CREM: variants seen among roughly 807,000 people sequenced by gnomAD.
CREM encodes the protein cAMP-responsive element modulator.
Under a neutral mutation model 37.3 loss-of-function variants are expected in CREM, and 13 were observed. The ratio of observed to expected loss-of-function variants is 0.35; its 90% CI spans 0.23 to 0.55. The LOEUF (loss-of-function observed/expected upper bound fraction) is 0.55. Among genes scored for constraint, CREM ranks in the 20% least tolerant of loss-of-function variants. The pLI is 0.88. For missense variants in CREM, 296 were observed against 362.3 expected, an observed-to-expected ratio of 0.82 and a Z score of 1.49; for synonymous variants, 124 against 120.2, an observed-to-expected ratio of 1.03 and a Z score of -0.21.
chr10:35,165,404 T>A (rs1166262105), intron 3 of CREM, among the ~76,000 whole-genome samples: 1 of 152,176 alleles, frequency 6.6e-6, no homozygotes, highest in Non-Finnish European at 1.5e-5. Flanking sequence ...GAGGATTATA[T>A]TTCAACATGA....
chr10:35,166,536 G>C (rs1319476425), intron 3 of CREM, among the ~76,000 whole-genome samples: 1 of 150,082 alleles, frequency 6.7e-6, no homozygotes, highest in Non-Finnish European at 1.5e-5. Flanking sequence ...CTTCCCTCCA[G>C]CCTGGGCGAC....
intron 6 of CREM, among the ~76,000 whole-genome samples, chr10:35,197,198 G>A (rs902492141): frequency 6.6e-6 from 1 of 151,780 alleles, no homozygotes; most frequent in African/African-American, 2.4e-5. Flanking sequence ...ATCCTTGAAA[G>A]TTTTTTTCAC....
At chr10:35,169,629 GT>G (rs2093708197) in intron 3 of CREM, among the ~76,000 whole-genome samples, 1 of 152,108 alleles carries the variant, frequency 6.6e-6, no homozygotes, top group Admixed American at 6.6e-5. Context: ...TGCCAACACT[GT>G]TGAATAGGAG....
At chr10:35,167,046 C>A (rs1172668680) in intron 3 of CREM, among the ~76,000 whole-genome samples, 2 of 152,044 alleles carry the variant, frequency 1.3e-5, no homozygotes, top group Admixed American at 1.3e-4. Flanking sequence ...GTGGCTAAGG[C>A]AGGAGAATTG....
intron 2 of CREM, among the ~76,000 whole-genome samples, chr10:35,140,755 G>A (rs573101164): frequency 6.6e-6 from 1 of 152,334 alleles, no homozygotes; most frequent in South Asian, 2.1e-4. Flanking sequence ...ACCAGGCCTT[G>A]ACAGACTAGT....
intron 3 of CREM, among the ~76,000 whole-genome samples, chr10:35,162,981 C>T (rs1045938692): frequency 6.7e-6 from 1 of 149,790 alleles, no homozygotes; most frequent in Non-Finnish European, 1.5e-5. Flanking sequence ...GAGGCCAAGT[C>T]AGGAGGATTA....
At chr10:35,157,347 C>T (rs1345861819) in intron 3 of CREM, among the ~76,000 whole-genome samples, 1 of 151,890 alleles carries the variant, frequency 6.6e-6, no homozygotes, top group African/African-American at 2.4e-5. Context: ...ATAAGGATAC[C>T]AGGCCAGGTG....
chr10:35,192,363 T>A (rs1383418400), intron 6 of CREM, among the ~76,000 whole-genome samples: 2 of 152,206 alleles, frequency 1.3e-5, no homozygotes, highest in Non-Finnish European at 2.9e-5. Context: ...TTTTGTTTTG[T>A]TTTGAGACAG....
Position 35,158,118 on chromosome 10 carries a change from A to G in CREM, c.168+9627A>G, listed in dbSNP as rs534287979. Among the ~76,000 whole-genome samples the G allele has an allele frequency of 7.5e-4, 114 of 152,356 alleles. 1 individual carries two copies. Among genetic ancestry groups the G allele is most frequent in the African/African-American group, 2.5e-3 (106 of 41,588 alleles). ...AAGTAAATGTTCATGGATTGGAAGA[A>G]TTAGTATTGTTAAAATGTCCATACT... On this transcript the variant is annotated intron_variant, in intron 3 of 7. Coordinates refer to ENST00000685392, the MANE Select transcript of CREM (RefSeq NM_183011.2).
chr10:35,186,009 A>T (rs1288358836), intron 5 of CREM, among the ~76,000 whole-genome samples: 1 of 152,226 alleles, frequency 6.6e-6, no homozygotes, highest in Non-Finnish European at 1.5e-5. Flanking sequence ...AGATGCCTTT[A>T]AAAACGTTTG....
At chr10:35,128,715 CG>C (rs1181834009) in intron 1 of CREM, among the ~76,000 whole-genome samples, 1 of 151,916 alleles carries the variant, frequency 6.6e-6, no homozygotes, top group Non-Finnish European at 1.5e-5. Context: ...TTAGTAGAAA[CG>C]GGGTTTCACA....
chr10:35,174,083 A>G (rs1285270699), intron 3 of CREM, among the ~76,000 whole-genome samples: 3 of 152,198 alleles, frequency 2.0e-5, no homozygotes, highest in Non-Finnish European at 4.4e-5. Flanking sequence ...TGGAATCTAA[A>G]CTAGATGATA....
intron 7 of CREM, chr10:35,210,408 CTGTT>C (rs1394263811): frequency 6.6e-6 from 1 of 152,180 alleles, no homozygotes; most frequent in Non-Finnish European, 1.5e-5. Flanking sequence ...GTCAACTCAT[CTGTT>C]TGTGTTGTTG....
intron 5 of CREM, among the ~76,000 whole-genome samples, chr10:35,180,489 A>G (rs113603887): frequency 1.5e-4 from 23 of 152,298 alleles, no homozygotes; most frequent in African/African-American, 5.5e-4. Flanking sequence ...AAACTATTAA[A>G]TACATTCTCT....
At chr10:35,188,004 T>C (rs3004217) in intron 5 of CREM, among the ~76,000 whole-genome samples, 196 bp from the exon 6 acceptor site, 55,758 of 152,186 alleles carry the variant, frequency 0.37, 12,437 homozygotes, top group Middle Eastern at 0.5. Flanking sequence ...TAAAATATTT[T>C]CAAGTGTTTA....
intron 3 of CREM, chr10:35,175,837 G>A: frequency 6.3e-7 from 1 of 1,597,434 alleles, no homozygotes. Flanking sequence ...ATCCTCAATG[G>A]TGATCATTTT....
At chr10:35,160,603 A>G (rs2093231056) in intron 3 of CREM, among the ~76,000 whole-genome samples, 1 of 152,188 alleles carries the variant, frequency 6.6e-6, no homozygotes, top group South Asian at 2.1e-4. Flanking sequence ...CTTGATAAAC[A>G]TTGTACACTT....
At chr10:35,175,630 C>T (rs1247435004) in intron 3 of CREM, 8 of 1,589,690 alleles carry the variant, frequency 5.0e-6, no homozygotes, top group Admixed American at 5.0e-5. Context: ...GCACCAAAAG[C>T]GATAAGGAGC....
At chr10:35,163,355 A>AT (rs1402023562) in intron 3 of CREM, among the ~76,000 whole-genome samples, 1 of 152,000 alleles carries the variant, frequency 6.6e-6, no homozygotes, top group Non-Finnish European at 1.5e-5. Context: ...GAGCTTTCTC[A>AT]TTTTCTCATC....
Sources: allele counts gnomAD v4.1 joint callset (sites outside exome capture counted in the v4.1 genomes callset), GRCh38; gene constraint gnomAD v4.1.1; transcripts MANE v1.5; gene names NCBI Gene and HGNC (gene_info 2026-07-23, HGNC 2026-07-21).